Variants in MTA1 observed in about 807,000 individuals in gnomAD.
The protein encoded by MTA1 is metastasis-associated protein MTA1.
A neutral mutation model predicts 97.0 loss-of-function variants in MTA1; 15 were observed. The ratio of observed to expected loss-of-function variants is 0.15; its 90% CI spans 0.10 to 0.24. MTA1 has a LOEUF of 0.24. Among genes scored for constraint, MTA1 ranks in the 10% least tolerant of loss-of-function variants. The probability of loss-of-function intolerance (pLI) is 1.00; values close to 1 mark genes in which losing one functional copy is unlikely to be tolerated. For synonymous variants in MTA1, 435 were observed against 417.5 expected, an observed-to-expected ratio of 1.04 and a Z score of -0.51; for missense variants, 709 against 1,015.1, an observed-to-expected ratio of 0.70 and a Z score of 4.10.
intron 1 of MTA1, among the ~76,000 whole-genome samples, chr14:105,432,815 C>G (rs2082214725): frequency 6.6e-6 from 1 of 152,202 alleles, no homozygotes. Flanking sequence ...GAGGCAAAGT[C>G]TGCATTGCCA....
At position 105,469,447 on chromosome 14, in the gene MTA1, TCTC is replaced by T. The variant is rs782592226; in HGVS notation, c.1814-15_1814-13del. 5 of 1,612,644 alleles carry T rather than the reference TCTC, an allele frequency of 3.1e-6. No individual in the cohort carries two copies. The African/African-American group carries it at 6.7e-5, about 22-fold the overall frequency. ...ACGCGCTCTCTCGGGGCCTCATTTCTCTCCTCCATTTCTCATCAGGTCTGGCAA... is the reference window on the plus strand; with the variant it reads ...ACGCGCTCTCTCGGGGCCTCATTTCTCTCCATTTCTCATCAGGTCTGGCAA... On this transcript the variant is annotated splice_polypyrimidine_tract_variant and intron_variant, in intron 18 of 20. Coordinates refer to ENST00000331320, the MANE Select transcript of MTA1 (RefSeq NM_004689.4).
intron 10 of MTA1, among the ~76,000 whole-genome samples, chr14:105,461,739 A>G (rs1448348029): frequency 6.6e-6 from 1 of 152,174 alleles, no homozygotes; most frequent in Non-Finnish European, 1.5e-5. Context: ...AGGAGGAGGG[A>G]CAGCAGCCAG....
At chr14:105,457,181 C>T (rs998629421) in intron 7 of MTA1, among the ~76,000 whole-genome samples, 5 of 152,180 alleles carry the variant, frequency 3.3e-5, no homozygotes, top group Non-Finnish European at 5.9e-5. Context: ...GCTATGGAGG[C>T]GGCTGAGAGG....
At chr14:105,441,715 A>C (rs1002226130) in intron 2 of MTA1, among the ~76,000 whole-genome samples, 8 of 152,152 alleles carry the variant, frequency 5.3e-5, no homozygotes, top group Non-Finnish European at 8.8e-5. Flanking sequence ...AATGGCGTGA[A>C]CCCGGGAGGT....
In MTA1 at chr14:105,463,371, T is replaced by C. The variant is rs893050309; in HGVS notation, c.1017+113T>C. 1.7e-5 allele frequency: 26 copies of C among 1,500,938 alleles called. No homozygotes were observed. Among genetic ancestry groups the C allele is most frequent in the African/African-American group, 2.8e-5 (2 of 72,662 alleles). 93.0% of individuals were successfully genotyped at this position (1,500,938 alleles called of 1,614,324 possible). On this transcript the variant is annotated intron_variant, in intron 11 of 20. Transcript: ENST00000331320. This position sits in a 1 kb window ranked among gnomAD's most constrained non-coding sequence, Gnocchi z 5.9. ...GCAGCAGGAGGGGAAGGAAGACTCC[T>C]GAGTCCCTGGCCCGGCTGTCCTCTC...
intron 20 of MTA1, 33 bp downstream of exon 20, chr14:105,470,025 C>T (rs782577794): frequency 2.5e-6 from 4 of 1,612,404 alleles, no homozygotes; most frequent in Admixed American, 1.7e-5. Context: ...GGGAGGGCTC[C>T]GCACAGCGTC....
chr14:105,468,407 G>T (rs1418191939), intron 18 of MTA1: 9 of 1,291,184 alleles, frequency 7.0e-6, no homozygotes, highest in Non-Finnish European at 9.2e-6. Context: ...CTTGTGGCAG[G>T]TGCCCTGAGG....
rs587613228 is a variant in MTA1, at chr14:105,456,278, A to C, written c.550+1968A>C. Among the ~76,000 whole-genome samples the C allele has an allele frequency of 2.0e-5, 3 of 152,370 alleles. No individual in the cohort carries two copies. In the South Asian group the frequency reaches 6.2e-4, roughly 32 times the overall value. On this transcript the variant is annotated intron_variant, in intron 7 of 20. Coordinates refer to ENST00000331320, the MANE Select transcript of MTA1 (RefSeq NM_004689.4). ...AGAGAGTGAGGAGCTGTCTCAGGTC[A>C]GAGGCCCTCAGCTGGCGCATCTGTA...
chr14:105,430,368 G>A (rs1011507375), intron 1 of MTA1, among the ~76,000 whole-genome samples: 6 of 152,070 alleles, frequency 3.9e-5, no homozygotes, highest in Admixed American at 6.6e-5. Flanking sequence ...TGGGGCAGTC[G>A]GAACACACAC....
intron 16 of MTA1, chr14:105,465,686 A>G (rs1429140921): frequency 6.5e-6 from 1 of 152,714 alleles, no homozygotes; most frequent in Non-Finnish European, 1.5e-5. Flanking sequence ...CTCAGGCGGC[A>G]GGGGGTTCCT....
chr14:105,470,449 G>A lies in MTA1; in HGVS notation c.*234G>A, dbSNP rs973838349. 3.0e-5 allele frequency: 14 copies of A among 459,418 alleles called. 1 individual carries two copies. The highest frequency in any genetic ancestry group is 1.3e-4 in the African/African-American group (6 of 47,238). 28.5% of individuals were successfully genotyped at this position (459,418 alleles called of 1,614,324 possible). On this transcript the variant is annotated 3_prime_UTR_variant, in exon 21 of 21. Transcript: ENST00000331320. ...TTTGTGTTTACTTTTTGGCTGGAGC[G>A]GAGATGAGGGGCCACCCCGTGCCCC...
intron 2 of MTA1, among the ~76,000 whole-genome samples, chr14:105,441,909 C>G (rs1296173660): frequency 6.6e-6 from 1 of 152,158 alleles, no homozygotes; most frequent in South Asian, 2.1e-4. Flanking sequence ...GGGATCCATC[C>G]TGGGATGTGG....
At chr14:105,461,011 T>G in intron 10 of MTA1, 58 bp downstream of exon 10, 4 of 1,540,170 alleles carry the variant, frequency 2.6e-6, no homozygotes, top group Non-Finnish European at 3.5e-6. Context: ...CCAGGTAGGC[T>G]GCGGGGGTGT....
At chr14:105,431,992 C>T (rs1376936548) in intron 1 of MTA1, among the ~76,000 whole-genome samples, 1 of 152,116 alleles carries the variant, frequency 6.6e-6, no homozygotes, top group African/African-American at 2.4e-5. Flanking sequence ...CTTCATTTGA[C>T]CTTGTGGACT....
intron 1 of MTA1, among the ~76,000 whole-genome samples, chr14:105,426,314 C>G (rs587644056): frequency 1.3e-3 from 181 of 140,016 alleles, no homozygotes; most frequent in African/African-American, 4.7e-3. Flanking sequence ...ATGGATGTTG[C>G]AGTGAGCCGA....
At position 105,466,565 on chromosome 14, in the gene MTA1, C is replaced by G; in HGVS notation, c.1764C>G (p.His588Gln). Residue 588 changes from histidine to glutamine, a missense_variant, in exon 17 of 21, where the codon CAC (histidine) becomes CAG (glutamine). Physicochemically the swap from His to Gln is conservative, Grantham distance 24. This residue lies in a region of MTA1 where 388 missense variants were observed against 421.6 expected (regional missense o/e 0.92). Coordinates refer to ENST00000331320, the MANE Select transcript of MTA1 (RefSeq NM_004689.4). Reference protein sequence around the residue: ...TILGKRSYEQHNGVDGNMKKR... With the variant: ...TILGKRSYEQQNGVDGNMKKR... ...TGGGCAAGCGCAGCTACGAGCAGCA[C>G]AACGGGGTGGACGGTGAGTGGCCCC... 6.3e-7 allele frequency: 1 copy of G among 1,580,374 alleles called. No homozygotes were observed. The highest frequency in any genetic ancestry group is 8.6e-7 in the Non-Finnish European group (1 of 1,163,848).
At chr14:105,452,812 T>C (rs1442181027) in intron 6 of MTA1, among the ~76,000 whole-genome samples, 1 of 152,190 alleles carries the variant, frequency 6.6e-6, no homozygotes, top group Non-Finnish European at 1.5e-5. Context: ...GGAGCAGGTG[T>C]CATGCTGGAC....
At chr14:105,448,553 C>T (rs1011974676) in intron 3 of MTA1, among the ~76,000 whole-genome samples, 15 of 152,148 alleles carry the variant, frequency 9.9e-5, no homozygotes, top group Non-Finnish European at 1.8e-4. Flanking sequence ...GCAGTTTGCT[C>T]GTGGGTCCCC....
chr14:105,443,845 C>CT (rs2082623261), intron 2 of MTA1, among the ~76,000 whole-genome samples: 1 of 152,180 alleles, frequency 6.6e-6, no homozygotes, highest in South Asian at 2.1e-4. Context: ...AATCCCAGCA[C>CT]TTTGGGAGGC....
Sources: allele counts gnomAD v4.1 joint callset (sites outside exome capture counted in the v4.1 genomes callset), GRCh38; gene constraint gnomAD v4.1.1; regional missense constraint gnomAD v4.1.1; non-coding constraint Gnocchi (gnomAD v3.1); transcripts MANE v1.5; gene names NCBI Gene and HGNC (gene_info 2026-07-23, HGNC 2026-07-21).